SYBU: variants seen among roughly 807,000 people sequenced by gnomAD.
SYBU encodes the protein syntabulin.
A neutral mutation model predicts 35.9 loss-of-function variants in SYBU; 21 were observed. That is an observed-to-expected ratio of 0.58 (90% CI 0.41 to 0.84). The LOEUF (loss-of-function observed/expected upper bound fraction) is 0.84. SYBU is among the 40% of genes least tolerant of loss of function. The pLI, the probability that SYBU is intolerant of heterozygous loss-of-function variation, is 0.00. For missense variants in SYBU, 768 were observed against 848.2 expected (o/e 0.91, Z 1.17); for synonymous variants, 319 against 324.3 (o/e 0.98, Z 0.18).
intron 3 of SYBU, chr8:109,607,851 CACAG>C: frequency 1.1e-6 from 1 of 941,924 alleles, no homozygotes; most frequent in Non-Finnish European, 1.6e-6. Flanking sequence ...CACACACACA[CACAG>C]TCTAGCCTCT....
At chr8:109,615,254 T>TA (rs889981217) in intron 3 of SYBU, among the ~76,000 whole-genome samples, 7 of 152,272 alleles carry the variant, frequency 4.6e-5, no homozygotes, top group African/African-American at 1.7e-4. Flanking sequence ...GACTTATTTT[T>TA]AAAAAAGTAG....
chr8:109,639,780 C>T (rs1814649374), intron 2 of SYBU, among the ~76,000 whole-genome samples: 1 of 152,196 alleles, frequency 6.6e-6, no homozygotes, highest in Non-Finnish European at 1.5e-5. Context: ...GCGATTTCCC[C>T]CTGCTGGTTG....
intron 4 of SYBU, among the ~76,000 whole-genome samples, chr8:109,583,895 G>A (rs776379647): frequency 7.2e-5 from 11 of 152,052 alleles, no homozygotes; most frequent in Non-Finnish European, 1.2e-4. Context: ...TGCAACCTCC[G>A]CCTCTCAGGT....
chr8:109,613,043 T>C (rs2703380), intron 3 of SYBU, among the ~76,000 whole-genome samples: 46,025 of 150,462 alleles, frequency 0.31, 7,910 homozygotes, highest in African/African-American at 0.45. Context: ...AAGCACCACC[T>C]AGCTTTTTAG....
At chr8:109,586,755 A>G (rs1823667194) in intron 3 of SYBU, among the ~76,000 whole-genome samples, 1 of 152,210 alleles carries the variant, frequency 6.6e-6, no homozygotes, top group African/African-American at 2.4e-5. Context: ...CTTAACAGAA[A>G]AGCAGAAATT....
At chr8:109,582,338 A>G (rs1254416525) in intron 4 of SYBU, among the ~76,000 whole-genome samples, 1 of 152,216 alleles carries the variant, frequency 6.6e-6, no homozygotes, top group African/African-American at 2.4e-5. Flanking sequence ...GCTAACATGT[A>G]TAGGTGCAAA....
intron 3 of SYBU, among the ~76,000 whole-genome samples, chr8:109,598,436 CA>C (rs1408580805): frequency 6.6e-6 from 1 of 152,172 alleles, no homozygotes; most frequent in Non-Finnish European, 1.5e-5. Context: ...TCATTAATGA[CA>C]GTGTGACCTC....
intron 4 of SYBU, chr8:109,580,355 A>G (rs191312581): frequency 7.5e-5 from 16 of 212,948 alleles, no homozygotes; most frequent in Non-Finnish European, 2.9e-5. Flanking sequence ...TTTTCAAGAT[A>G]TGGTTTTTGT....
At chr8:109,672,677 A>G (rs1817028487) in intron 1 of SYBU, among the ~76,000 whole-genome samples, 1 of 152,156 alleles carries the variant, frequency 6.6e-6, no homozygotes, top group Non-Finnish European at 1.5e-5. Context: ...TGCCAGCGAG[A>G]CAGAACCGTT....
intron 2 of SYBU, among the ~76,000 whole-genome samples, chr8:109,632,823 C>T (rs569459398): frequency 1.3e-5 from 2 of 152,152 alleles, no homozygotes; most frequent in Non-Finnish European, 2.9e-5. Context: ...GCCACGCTGT[C>T]ATTACCATGA....
At chr8:109,683,169 C>T (rs900554937), upstream of SYBU, among the ~76,000 whole-genome samples, 1 of 152,190 alleles carries the variant, frequency 6.6e-6, no homozygotes, top group African/African-American at 2.4e-5. Flanking sequence ...GGCCACTGTC[C>T]TCAGATCACA....
At chr8:109,605,249 ATAAG>A (rs1825952719) in intron 3 of SYBU, among the ~76,000 whole-genome samples, 1 of 152,242 alleles carries the variant, frequency 6.6e-6, no homozygotes, top group Non-Finnish European at 1.5e-5. Flanking sequence ...CTAGCAGAAT[ATAAG>A]TAAAAGTCAC....
At chr8:109,585,957 A>G in intron 4 of SYBU, 103 bp downstream of exon 4, 3 of 763,920 alleles carry the variant, frequency 3.9e-6, no homozygotes, top group Admixed American at 2.9e-5. Context: ...ACTGAATAAT[A>G]AAATATGAAC....
Position 109,691,380 on chromosome 8 carries a change from C to G in SYBU, c.-105G>C. 1.4e-6 allele frequency: 1 copy of G among 695,948 alleles called. No individual in the cohort carries two copies. Among genetic ancestry groups the G allele is most frequent in the Non-Finnish European group, 2.6e-6 (1 of 382,254 alleles). 43.1% of individuals were successfully genotyped at this position (695,948 alleles called of 1,614,324 possible). ...CATCGCGCTGTCCAGGAGGAGGCAC[C>G]TACGTGCGCCCGGGAGACCGGGCCC... On this transcript the variant is annotated 5_prime_UTR_variant, in exon 1 of 8. Transcript: ENST00000422135. This position sits in a 1 kb window ranked among gnomAD's most constrained non-coding sequence, Gnocchi z 4.7.
rs73700923 is a variant in SYBU at position 109,665,499 on chromosome 8, C to T, written c.-129+15212G>A. On this transcript the variant is annotated intron_variant, in intron 1 of 5. Transcript: ENST00000408889. ...AAGTGGGTAAGGCATACTTGCTTTG[C>T]CAGTTTCTGAAATTTATGTTTCCAT... is the stretch of plus-strand genomic sequence containing the variant. Among the ~76,000 whole-genome samples the T allele has an allele frequency of 7.8e-3, 1,180 of 152,224 alleles. 16 individuals are homozygous for T. Among genetic ancestry groups the T allele is most frequent in the African/African-American group, 0.027 (1,123 of 41,528 alleles).
rs947948881 is a variant in SYBU at position 109,584,727 on chromosome 8, C to T, written c.530+1333G>A. On this transcript the variant is annotated intron_variant, in intron 4 of 6. Coordinates refer to ENST00000276646, the MANE Select transcript of SYBU (RefSeq NM_001099754.2). This position sits in a 1 kb window ranked among gnomAD's most constrained non-coding sequence, Gnocchi z 4.0. ...CTGTGCCCTGGGGGTCTCAGGTCGC[C>T]TTATAAACATCTGCTAAATCTTCAG... Among the ~76,000 whole-genome samples the T allele has an allele frequency of 1.3e-5, 2 of 152,026 alleles. No homozygotes were observed. The highest frequency in any genetic ancestry group is 4.8e-5 in the African/African-American group (2 of 41,376).
At chr8:109,682,492 G>A (rs201719246), upstream of SYBU, among the ~76,000 whole-genome samples, 10 of 152,294 alleles carry the variant, frequency 6.6e-5, no homozygotes, top group East Asian at 1.7e-3. Context: ...CCCTGCCCTA[G>A]AGATCTGTGA....
Position 109,575,995 on chromosome 8 carries a change from C to T in SYBU, c.903G>A (p.Glu301=), listed in dbSNP as rs1342195286. 1 of 1,594,534 alleles carries T rather than the reference C, an allele frequency of 6.3e-7. No individual in the cohort carries two copies. The highest frequency in any genetic ancestry group is 1.4e-5 in the African/African-American group (1 of 71,632). Residue 301 remains glutamate (E), a synonymous_variant, in exon 7 of 7, where the codon GAG becomes GAA. Coordinates refer to ENST00000276646, the MANE Select transcript of SYBU (RefSeq NM_001099754.2). The part of the protein sequence containing the change: ...RLHERESEIV[E]LKSQLARMRE... ...GCATGCGGGCCAGCTGGGACTTAAG[C>T]TCCACGATTTCACTTTCCCTAGAGT...
chr8:109,585,373 C>A (rs1411691817), intron 4 of SYBU, among the ~76,000 whole-genome samples: 1 of 152,182 alleles, frequency 6.6e-6, no homozygotes, highest in Non-Finnish European at 1.5e-5. Flanking sequence ...CTTGTTTAAT[C>A]CTAACAATAA....
Sources: allele counts gnomAD v4.1 joint callset (sites outside exome capture counted in the v4.1 genomes callset), GRCh38; gene constraint gnomAD v4.1.1; non-coding constraint Gnocchi (gnomAD v3.1); transcripts MANE v1.5; gene names NCBI Gene and HGNC (gene_info 2026-07-23, HGNC 2026-07-21).